PHF24: variants seen among roughly 807,000 people sequenced by gnomAD.
PHF24 encodes Galpha inhibitory interacting protein.
PHF24 carries 25 observed loss-of-function variants against 42.6 expected under a neutral mutation model. The ratio of observed to expected loss-of-function variants is 0.59; its 90% CI spans 0.43 to 0.82. The LOEUF is 0.82. Among genes scored for constraint, PHF24 ranks in the 40% least tolerant of loss-of-function variants. The pLI, the probability that PHF24 is intolerant of heterozygous loss-of-function variation, is 0.00. For missense variants in PHF24, 470 were observed against 538.1 expected (o/e 0.87, Z 1.25); for synonymous variants, 185 against 204.8 (o/e 0.90, Z 0.83).
At chr9:34,691,047 C>G in the PHF24 span, 2 of 1,537,822 alleles carry the variant, frequency 1.3e-6, no homozygotes, top group Non-Finnish European at 1.8e-6. Context: ...TACCCACTGC[C>G]AGCCCCCCAC....
chr9:34,922,794 A>G, the PHF24 span: 6 of 1,592,788 alleles, frequency 3.8e-6, no homozygotes, highest in Non-Finnish European at 5.1e-6. Context: ...AACTGAGAGA[A>G]GATTCCTCTC....
the PHF24 span, among the ~76,000 whole-genome samples, chr9:34,870,781 G>T: frequency 6.6e-6 from 1 of 152,032 alleles, no homozygotes; most frequent in Non-Finnish European, 1.5e-5. Context: ...TCTTTTCATG[G>T]CTTCATACCT....
chr9:34,752,662 G>A, the PHF24 span, among the ~76,000 whole-genome samples: 25 of 152,158 alleles, frequency 1.6e-4, no homozygotes, highest in African/African-American at 6.0e-4. Flanking sequence ...TAGAGGAGGA[G>A]GGAATACTTC....
intron 1 of PHF24, among the ~76,000 whole-genome samples, chr9:34,965,853 C>T (rs1587464630): frequency 1.3e-5 from 2 of 152,302 alleles, no homozygotes; most frequent in African/African-American, 2.4e-5. Context: ...ATTGGTTTTC[C>T]TCTAATGAAT....
the PHF24 span, among the ~76,000 whole-genome samples, chr9:34,857,972 GTTTTT>G: frequency 1.0e-5 from 1 of 95,984 alleles, no homozygotes; most frequent in African/African-American, 3.3e-5. Context: ...TGTTTCTCTG[GTTTTT>G]TTTTTTTTTT....
the PHF24 span, among the ~76,000 whole-genome samples, chr9:34,759,666 T>C: frequency 1.3e-5 from 2 of 152,138 alleles, no homozygotes; most frequent in African/African-American, 4.8e-5. Flanking sequence ...CTATCACCCG[T>C]TAGCCTGACC....
chr9:34,838,495 G>A, the PHF24 span: 1 of 1,339,894 alleles, frequency 7.5e-7, no homozygotes, highest in East Asian at 2.5e-5. Flanking sequence ...GCTCAACATG[G>A]TCTAAACCTC....
At chr9:34,739,292 T>C in the PHF24 span, among the ~76,000 whole-genome samples, 1 of 152,226 alleles carries the variant, frequency 6.6e-6, no homozygotes, top group African/African-American at 2.4e-5. Flanking sequence ...GAGACACTCC[T>C]ATATAATGAT....
At chr9:34,681,008 G>A in the PHF24 span, 1 of 152,184 alleles carries the variant, frequency 6.6e-6, no homozygotes, top group African/African-American at 2.4e-5. Flanking sequence ...ACCCACTTTG[G>A]CCAATGAAAT....
the PHF24 span, among the ~76,000 whole-genome samples, chr9:34,691,750 C>T: frequency 6.6e-6 from 1 of 152,198 alleles, no homozygotes; most frequent in African/African-American, 2.4e-5. Context: ...ACTGTGCCTG[C>T]CCACTATGTG....
At chr9:34,769,575 A>G in the PHF24 span, among the ~76,000 whole-genome samples, 6 of 152,198 alleles carry the variant, frequency 3.9e-5, no homozygotes, top group Non-Finnish European at 7.3e-5. Flanking sequence ...GCTGATTCTA[A>G]ATTTATGGTT....
At chr9:34,691,231 G>T in the PHF24 span, 1 of 1,119,170 alleles carries the variant, frequency 8.9e-7, no homozygotes, top group Admixed American at 2.0e-5. Context: ...GGGCGACTGG[G>T]ATGCAGGGGT....
At chr9:34,766,051 A>G in the PHF24 span, among the ~76,000 whole-genome samples, 1 of 152,110 alleles carries the variant, frequency 6.6e-6, no homozygotes, top group Admixed American at 6.5e-5. Context: ...TGGCTTGTAG[A>G]GTTTCTGCTG....
the PHF24 span, among the ~76,000 whole-genome samples, chr9:34,935,401 C>G: frequency 6.6e-6 from 1 of 152,112 alleles, no homozygotes; most frequent in Non-Finnish European, 1.5e-5. Flanking sequence ...CGAGGCCAGC[C>G]TGGCCAACAT....
the PHF24 span, among the ~76,000 whole-genome samples, chr9:34,842,656 C>T: frequency 6.6e-6 from 1 of 152,180 alleles, no homozygotes; most frequent in Non-Finnish European, 1.5e-5. Flanking sequence ...AGACACAGGA[C>T]CTGCCAGCAC....
the PHF24 span, among the ~76,000 whole-genome samples, chr9:34,789,356 TG>T: frequency 6.6e-6 from 1 of 152,252 alleles, no homozygotes; most frequent in Non-Finnish European, 1.5e-5. Flanking sequence ...TTCTTCTTTT[TG>T]GCTAAATTGT....
At chr9:34,948,937 A>T in the PHF24 span, among the ~76,000 whole-genome samples, 1 of 152,248 alleles carries the variant, frequency 6.6e-6, no homozygotes, top group Non-Finnish European at 1.5e-5. Flanking sequence ...TATTACCAGG[A>T]GTAAAGAGCC....
the PHF24 span, chr9:34,709,576 G>T: frequency 6.2e-7 from 1 of 1,614,164 alleles, no homozygotes; most frequent in Non-Finnish European, 8.5e-7. Context: ...CCCTGGGCTG[G>T]TTTCTGTGGG....
the PHF24 span, among the ~76,000 whole-genome samples, chr9:34,928,131 G>A: frequency 1.3e-5 from 2 of 149,308 alleles, no homozygotes; most frequent in Non-Finnish European, 3.0e-5. Flanking sequence ...CAGGAGAGTC[G>A]CTTGAACCCA....
Sources: allele counts gnomAD v4.1 joint callset (sites outside exome capture counted in the v4.1 genomes callset), GRCh38; gene constraint gnomAD v4.1.1; transcripts MANE v1.5; gene names NCBI Gene and HGNC (gene_info 2026-07-23, HGNC 2026-07-21).